GTF2F2: variants seen among roughly 807,000 people sequenced by gnomAD.
The protein encoded by GTF2F2 is general transcription factor IIF subunit 2, also known as ATP-dependent helicase GTF2F2.
A neutral mutation model predicts 42.2 loss-of-function variants in GTF2F2; 23 were observed. The ratio of observed to expected loss-of-function variants is 0.55; its 90% CI spans 0.39 to 0.77. GTF2F2 has a LOEUF of 0.77. Ranked by LOEUF, GTF2F2 falls within the 30% of genes least tolerant of loss-of-function variation. The pLI is 0.00. For synonymous variants in GTF2F2, 105 were observed against 100.8 expected, an observed-to-expected ratio of 1.04 and a Z score of -0.25; for missense variants, 261 against 287.2, an observed-to-expected ratio of 0.91 and a Z score of 0.66.
At position 45,193,667 on chromosome 13, in the gene GTF2F2, T is replaced by C. The variant is rs987373780; in HGVS notation, c.305-13757T>C. 3 of 843,058 alleles carry C rather than the reference T, an allele frequency of 3.6e-6. No homozygotes were observed. The Admixed American group carries it at 7.7e-5, about 22-fold the overall frequency. The allele number at this position is 843,058 out of a possible 1,614,324, so 52.2% of individuals were successfully genotyped here. ...CATACCGTTAGCTCACAGTAATTGATTAGTAGCAGGGCTCTGTAGTACAGA... is the reference window on the plus strand; with the variant it reads ...CATACCGTTAGCTCACAGTAATTGACTAGTAGCAGGGCTCTGTAGTACAGA... On this transcript the variant is annotated intron_variant, in intron 4 of 7. Transcript: ENST00000340473.
intron 4 of GTF2F2, among the ~76,000 whole-genome samples, chr13:45,157,561 CAG>C (rs71672539): frequency 0.1 from 15,851 of 151,892 alleles, 2,211 homozygotes; most frequent in African/African-American, 0.32. Context: ...GTAGCAGTGA[CAG>C]AGATCTACTC....
At chr13:45,239,618 A>G (rs1875178070) in intron 5 of GTF2F2, among the ~76,000 whole-genome samples, 1 of 152,266 alleles carries the variant, frequency 6.6e-6, no homozygotes, top group Non-Finnish European at 1.5e-5. Context: ...AACCAAGTCC[A>G]GTGTGAATCA....
At chr13:45,143,712 G>A (rs930529368) in intron 2 of GTF2F2, among the ~76,000 whole-genome samples, 22 of 152,274 alleles carry the variant, frequency 1.4e-4, no homozygotes, top group Non-Finnish European at 2.2e-4. Context: ...GGAGAGATTG[G>A]GAGAGGCAGA....
chr13:45,171,274 T>G (rs1243127138), intron 4 of GTF2F2, among the ~76,000 whole-genome samples: 1 of 151,960 alleles, frequency 6.6e-6, no homozygotes, highest in Non-Finnish European at 1.5e-5. Flanking sequence ...AGATGGAGTT[T>G]CGCCATGTCG....
chr13:45,271,990 A>T (rs1876813433), intron 7 of GTF2F2, among the ~76,000 whole-genome samples: 1 of 151,850 alleles, frequency 6.6e-6, no homozygotes, highest in East Asian at 1.9e-4. Flanking sequence ...TTTTTATTAT[A>T]ATGCTTTCCA....
At chr13:45,214,273 G>T (rs1309782852) in intron 5 of GTF2F2, among the ~76,000 whole-genome samples, 1 of 152,144 alleles carries the variant, frequency 6.6e-6, no homozygotes, top group African/African-American at 2.4e-5. Context: ...TTCATCAAAT[G>T]TAAGTTAGTA....
chr13:45,127,938 CTTTTTTTTTTTTTTTTTTTT>C (rs1161627204), intron 1 of GTF2F2, among the ~76,000 whole-genome samples: 2 of 48,608 alleles, frequency 4.1e-5, no homozygotes, highest in Admixed American at 2.8e-4. Context: ...GCACCCCGGC[CTTTTTTTTTTTTTTTTTTTT>C]TTTTTTTTTT....
chr13:45,179,187 C>G (rs948654497), intron 4 of GTF2F2, among the ~76,000 whole-genome samples: 7 of 152,186 alleles, frequency 4.6e-5, no homozygotes, highest in African/African-American at 1.7e-4. Context: ...ATAGACCCCA[C>G]CTCTTGATGA....
intron 4 of GTF2F2, among the ~76,000 whole-genome samples, chr13:45,167,349 T>C (rs1871343359): frequency 6.7e-6 from 1 of 149,832 alleles, no homozygotes; most frequent in African/African-American, 2.5e-5. Context: ...CCCAAATAAA[T>C]GTTACTTCAG....
At chr13:45,127,263 C>G (rs1869063145) in intron 1 of GTF2F2, among the ~76,000 whole-genome samples, 1 of 151,936 alleles carries the variant, frequency 6.6e-6, no homozygotes, top group African/African-American at 2.4e-5. Context: ...ATAATGAAGA[C>G]AGTGCAATAT....
intron 4 of GTF2F2, chr13:45,194,069 T>C: frequency 6.2e-7 from 1 of 1,614,166 alleles, no homozygotes; most frequent in Non-Finnish European, 8.5e-7. Context: ...GACTTTATTT[T>C]TGATATGAAA....
intron 7 of GTF2F2, among the ~76,000 whole-genome samples, chr13:45,274,996 C>T (rs1876971626): frequency 6.6e-6 from 1 of 152,036 alleles, no homozygotes; most frequent in Non-Finnish European, 1.5e-5. Context: ...AGAACATTTC[C>T]ATTGCCCTAA....
intron 5 of GTF2F2, among the ~76,000 whole-genome samples, chr13:45,221,298 A>G (rs1874103037): frequency 6.6e-6 from 1 of 152,148 alleles, no homozygotes; most frequent in Admixed American, 6.5e-5. Flanking sequence ...TACCAACACA[A>G]TACACCCTGA....
intron 6 of GTF2F2, chr13:45,263,918 G>A: frequency 5.4e-6 from 1 of 185,268 alleles, no homozygotes; most frequent in Non-Finnish European, 1.2e-5. Flanking sequence ...GTGCAAAGTG[G>A]TTTGGGAATA....
rs183532554 is a variant in GTF2F2, at chr13:45,272,114, T to A, written c.630+4738T>A. ...TTTTAAATATAAATTTTTTATATTT[T>A]AAAAAAAAGACAATTTCCCAACAGA... is the stretch of plus-strand genomic sequence containing the variant. On this transcript the variant is annotated intron_variant, in intron 7 of 7. Coordinates refer to ENST00000340473, the MANE Select transcript of GTF2F2 (RefSeq NM_004128.3). Among the ~76,000 whole-genome samples the A allele has an allele frequency of 4.6e-3, 686 of 149,418 alleles. 2 individuals are homozygous for A. The highest frequency in any genetic ancestry group is 0.017 in the South Asian group (83 of 4,794).
intron 4 of GTF2F2, among the ~76,000 whole-genome samples, chr13:45,155,146 A>C (rs1294350827): frequency 6.6e-6 from 1 of 152,200 alleles, no homozygotes; most frequent in African/African-American, 2.4e-5. Flanking sequence ...TTGGAATCTC[A>C]GAGGAATCTG....
At chr13:45,233,363 A>G (rs1019475443) in intron 5 of GTF2F2, among the ~76,000 whole-genome samples, 31 of 152,198 alleles carry the variant, frequency 2.0e-4, no homozygotes, top group African/African-American at 7.5e-4. Context: ...AGCAGGCTCA[A>G]ATCCTTCTTA....
At chr13:45,174,634 C>CTTTTTTTTTTTT (rs397950608) in intron 4 of GTF2F2, among the ~76,000 whole-genome samples, 3 of 81,494 alleles carry the variant, frequency 3.7e-5, no homozygotes, top group African/African-American at 1.4e-4. Flanking sequence ...TTTCTTTTTT[C>CTTTTTTTTTTTT]TTTTTTTTTT....
At chr13:45,194,243 G>A in intron 4 of GTF2F2, 2 of 1,614,148 alleles carry the variant, frequency 1.2e-6, no homozygotes, top group Non-Finnish European at 1.7e-6. Flanking sequence ...TGTGCAAGAA[G>A]TTGATTTTCT....
Sources: gnomAD v4.1 joint callset for allele counts (sites outside exome capture counted in the v4.1 genomes callset) on GRCh38, gnomAD v4.1.1 for gene constraint, MANE v1.5 for transcripts, NCBI Gene and HGNC (gene_info 2026-07-23, HGNC 2026-07-21) for gene names.